LYPLAL1: variants seen among roughly 807,000 people sequenced by gnomAD.
LYPLAL1 encodes lysophospholipase-like protein 1.
LYPLAL1 carries 23 observed loss-of-function variants against 19.7 expected under a neutral mutation model. That is an observed-to-expected ratio of 1.17 (90% CI 0.84 to 1.65). The LOEUF (loss-of-function observed/expected upper bound fraction) is 1.65, where lower values mean the gene tolerates loss of function less well. Ranked by LOEUF, LYPLAL1 falls within the 40% of genes most tolerant of loss-of-function variation. LYPLAL1 has a pLI of 0.00. For synonymous variants in LYPLAL1, 119 were observed against 96.3 expected (o/e 1.24, Z -1.38); for missense variants, 355 against 279.4 (o/e 1.27, Z -1.93).
the LYPLAL1 span, among the ~76,000 whole-genome samples, chr1:219,267,983 T>G: frequency 6.6e-6 from 1 of 152,212 alleles, no homozygotes; most frequent in South Asian, 2.1e-4. Flanking sequence ...ACACAGTAGC[T>G]TTTCAACTCC....
At chr1:219,280,457 T>G in the LYPLAL1 span, among the ~76,000 whole-genome samples, 62 of 152,230 alleles carry the variant, frequency 4.1e-4, no homozygotes, top group African/African-American at 1.5e-3. Flanking sequence ...CACGCTATAT[T>G]TTTACCTATT....
At chr1:219,255,446 G>A in the LYPLAL1 span, among the ~76,000 whole-genome samples, 1 of 151,648 alleles carries the variant, frequency 6.6e-6, no homozygotes, top group Non-Finnish European at 1.5e-5. Flanking sequence ...GTTTTTATTG[G>A]TCTAATATGC....
chr1:219,417,200 T>C, the LYPLAL1 span, among the ~76,000 whole-genome samples: 711 of 152,072 alleles, frequency 4.7e-3, 4 homozygotes, highest in Middle Eastern at 0.01. Context: ...ATACATTATT[T>C]GGAATTCATT....
the LYPLAL1 span, among the ~76,000 whole-genome samples, chr1:219,228,261 C>T: frequency 6.6e-6 from 1 of 151,772 alleles, no homozygotes; most frequent in African/African-American, 2.4e-5. Flanking sequence ...GTGGAATTAT[C>T]ATGCTTTGCT....
the LYPLAL1 span, among the ~76,000 whole-genome samples, chr1:219,314,053 C>G: frequency 6.6e-6 from 1 of 152,162 alleles, no homozygotes; most frequent in Non-Finnish European, 1.5e-5. Flanking sequence ...TGTTTAGCTC[C>G]CACTTATAAG....
At chr1:219,256,054 G>C in the LYPLAL1 span, among the ~76,000 whole-genome samples, 2 of 151,508 alleles carry the variant, frequency 1.3e-5, no homozygotes, top group Admixed American at 1.3e-4. Context: ...ATTCTCATCA[G>C]ATTTTTCTAT....
At chr1:219,178,254 GA>G in intron 1 of LYPLAL1, among the ~76,000 whole-genome samples, 1 of 152,242 alleles carries the variant, frequency 6.6e-6, no homozygotes, top group Non-Finnish European at 1.5e-5. Flanking sequence ...TCTCATTTTT[GA>G]AGCAGGTACA....
chr1:219,201,111 C>T (rs1011217468), intron 3 of LYPLAL1, among the ~76,000 whole-genome samples: 76 of 152,096 alleles, frequency 5.0e-4, no homozygotes, highest in Non-Finnish European at 4.6e-4. Context: ...TTAATATGGT[C>T]TTGAAAAAAT....
chr1:219,362,553 A>G, the LYPLAL1 span, among the ~76,000 whole-genome samples: 1,845 of 152,276 alleles, frequency 0.012, 23 homozygotes, highest in Admixed American at 0.019. Context: ...TGAAGGATAA[A>G]GTAAACTTGC....
chr1:219,204,224 G>A (rs1658358527), intron 3 of LYPLAL1, among the ~76,000 whole-genome samples: 5 of 152,226 alleles, frequency 3.3e-5, no homozygotes, highest in Admixed American at 3.3e-4. Flanking sequence ...GGGAAAACAG[G>A]CAATAGAATA....
At chr1:219,234,460 A>G in the LYPLAL1 span, among the ~76,000 whole-genome samples, 3 of 152,152 alleles carry the variant, frequency 2.0e-5, no homozygotes, top group Non-Finnish European at 4.4e-5. Flanking sequence ...AACAATACTC[A>G]CAGAATACTA....
chr1:219,287,523 T>G, the LYPLAL1 span, among the ~76,000 whole-genome samples: 11 of 152,300 alleles, frequency 7.2e-5, no homozygotes, highest in African/African-American at 2.6e-4. Flanking sequence ...ATTAGACACT[T>G]ACACATCTAT....
chr1:219,284,595 G>A, the LYPLAL1 span, among the ~76,000 whole-genome samples: 2 of 152,084 alleles, frequency 1.3e-5, no homozygotes, highest in Admixed American at 6.6e-5. Context: ...ATAAGAAGTA[G>A]CAGCAACTAT....
chr1:219,419,925 T>C, the LYPLAL1 span, among the ~76,000 whole-genome samples: 1 of 152,210 alleles, frequency 6.6e-6, no homozygotes, highest in Non-Finnish European at 1.5e-5. Context: ...ATTTCTATGC[T>C]AAATCCTCAT....
the LYPLAL1 span, among the ~76,000 whole-genome samples, chr1:219,436,861 C>T: frequency 0.013 from 1,953 of 152,258 alleles, 37 homozygotes; most frequent in African/African-American, 0.044. Flanking sequence ...AAAACAACAT[C>T]TTGCAACTTC....
the LYPLAL1 span, among the ~76,000 whole-genome samples, chr1:219,394,802 G>A: frequency 6.6e-6 from 1 of 151,962 alleles, no homozygotes; most frequent in East Asian, 1.9e-4. Context: ...CCTTCAATAG[G>A]CCTCAGTGTC....
chr1:219,430,287 CAAAAAAAAAAAA>C, the LYPLAL1 span, among the ~76,000 whole-genome samples: 1 of 69,788 alleles, frequency 1.4e-5, no homozygotes, highest in African/African-American at 4.9e-5. Flanking sequence ...GATCCTAGCT[CAAAAAAAAAAAA>C]AAAAAAAAAA....
At chr1:219,212,970 C>T (rs1017600808), downstream of LYPLAL1, 3 of 152,050 alleles carry the variant, frequency 2.0e-5, no homozygotes, top group Admixed American at 2.0e-4. Context: ...ATAGCCAACT[C>T]TTTGAGAAAA....
chr1:219,440,016 C>CATATATATATATATATAT, the LYPLAL1 span, among the ~76,000 whole-genome samples: 2 of 99,446 alleles, frequency 2.0e-5, no homozygotes, highest in Admixed American at 9.5e-5. Context: ...TATATATACA[C>CATATATATATATATATAT]ACACACACAT....
Sources: allele counts gnomAD v4.1 joint callset (sites outside exome capture counted in the v4.1 genomes callset), GRCh38; gene constraint gnomAD v4.1.1; transcripts MANE v1.5; gene names NCBI Gene and HGNC (gene_info 2026-07-23, HGNC 2026-07-21).